The following ECEL1 variants were observed in gnomAD, a reference collection of about 807,000 sequenced individuals.
ECEL1 encodes the protein endothelin-converting enzyme-like 1.
In ECEL1, 87 loss-of-function variants were observed where a neutral mutation model predicts 101.8. The observed-to-expected ratio is 0.85, with a 90% CI of 0.72 to 1.02. The LOEUF is 1.02. Among genes scored for constraint, ECEL1 ranks in the 50% least tolerant of loss-of-function variants. The probability of loss-of-function intolerance (pLI) is 0.00; values close to 1 mark genes in which losing one functional copy is unlikely to be tolerated. For missense variants in ECEL1, 1,032 were observed against 1,079.2 expected, an observed-to-expected ratio of 0.96 and a Z score of 0.61; for synonymous variants, 487 against 468.7, an observed-to-expected ratio of 1.04 and a Z score of -0.50.
At position 232,484,862 on chromosome 2, in the gene ECEL1, C is replaced by T. The variant is rs745581890; in HGVS notation, c.998G>A (p.Arg333Gln). The T allele has an allele frequency of 6.2e-6, 10 of 1,613,750 alleles. 1 individual carries two copies. Among genetic ancestry groups the T allele is most frequent in the East Asian group, 2.2e-5 (1 of 44,892 alleles). Reference protein sequence around the residue: ...ITVSEHDDLRRDVSSMYNKVT... With the variant: ...ITVSEHDDLRQDVSSMYNKVT... The stretch of plus-strand genomic sequence containing the variant: ...CTTGTTGTACATGGAGCTGACATCT[C>T]GCCGTAGGTCGTCATGCTCTGACAC... The change falls in exon 5 of 18, where the codon CGA becomes CAA. Residue 333 changes from arginine (R) to glutamine (Q), a missense_variant. Arg to Gln is a conservative substitution (Grantham distance 43, BLOSUM62 1). Transcript: ENST00000304546.
At chr2:232,483,583 G>A (rs1176877900) in intron 7 of ECEL1, 69 bp from the exon 8 acceptor site, 5 of 1,339,184 alleles carry the variant, frequency 3.7e-6, no homozygotes, top group Non-Finnish European at 5.1e-6. Flanking sequence ...GGCAGGAGGG[G>A]TACCCCTGCC....
rs750503642 is a variant in ECEL1, at chr2:232,484,818, G to A, written c.1042C>T (p.Gln348Ter). The A allele has an allele frequency of 6.2e-7, 1 of 1,613,972 alleles. No individual in the cohort carries two copies. The highest frequency in any genetic ancestry group is 8.5e-7 in the Non-Finnish European group (1 of 1,180,022). The change falls in exon 5 of 18, where the codon CAG becomes TAG. Residue 348 changes from glutamine (Q) to a stop codon, truncating the protein, a stop_gained. Coordinates refer to ENST00000304546, the MANE Select transcript of ECEL1 (RefSeq NM_004826.4). LOFTEE classifies it high-confidence loss of function. ...ACACTCACGTGGGGGGTGATCTTCT[G>A]CAGCTGCCCCAGCGTCACCTTGTTG... ...MYNKVTLGQL[Q>*]KITPHLRWKW...
chr2:232,486,642 C>A lies in ECEL1; in HGVS notation c.12G>T (p.Pro4=). ...CATCGTAGTGCGCCGTCAGCGAATACGGGGGCTCCATGGCGCCGAGGCCGC... is the reference window on the plus strand; with the variant it reads ...CATCGTAGTGCGCCGTCAGCGAATAAGGGGGCTCCATGGCGCCGAGGCCGC... MEP[P]YSLTAHYDEF... is the part of the protein sequence containing the mutation. Residue 4 remains proline (P), a synonymous_variant, in exon 2 of 18, where the codon CCG becomes CCT. Transcript: ENST00000304546. The A allele has an allele frequency of 6.5e-7, 1 of 1,528,560 alleles. No homozygotes were observed. 94.7% of individuals were successfully genotyped at this position (1,528,560 alleles called of 1,614,324 possible).
chr2:232,481,900 C>A, intron 12 of ECEL1, 51 bp from the exon 13 acceptor site: 2 of 1,608,772 alleles, frequency 1.2e-6, no homozygotes, highest in South Asian at 2.2e-5. Context: ...CTCTGAGAGC[C>A]CCATGCTGCT....
rs755908082 is a variant in ECEL1, at chr2:232,482,905, C to T, written c.1631G>A (p.Arg544His). The change falls in exon 10 of 18, where the codon CGC becomes CAC. Residue 544 changes from arginine to histidine, a missense_variant. Coordinates refer to ENST00000304546, the MANE Select transcript of ECEL1 (RefSeq NM_004826.4). ...TYFKNILNSI[R>H]FSIQLSVKKI... is the part of the protein sequence containing the mutation. Reference sequence around the variant, plus strand: ...CTTAACTGAGAGCTGGATGCTGAAGCGGATGCTGTTCAAGATGTTCTTGAA... The same window carrying T: ...CTTAACTGAGAGCTGGATGCTGAAGTGGATGCTGTTCAAGATGTTCTTGAA... 30 of 1,614,176 alleles carry T rather than the reference C, an allele frequency of 1.9e-5. No individual in the cohort carries two copies. Among genetic ancestry groups the T allele is most frequent in the East Asian group, 6.7e-5 (3 of 44,882 alleles).
chr2:232,483,804 T>C (rs966602832), intron 7 of ECEL1, among the ~76,000 whole-genome samples, 197 bp downstream of exon 7: 1 of 152,190 alleles, frequency 6.6e-6, no homozygotes, highest in Non-Finnish European at 1.5e-5. Flanking sequence ...CTGCAGTTGA[T>C]AGTCCACATA....
At chr2:232,487,385 G>A (rs1026362521) in intron 1 of ECEL1, among the ~76,000 whole-genome samples, 1 of 152,072 alleles carries the variant, frequency 6.6e-6, no homozygotes, top group Non-Finnish European at 1.5e-5. Context: ...GGCCCTGATG[G>A]AGAACCCGAG....
At chr2:232,481,459 G>T in intron 14 of ECEL1, 47 bp downstream of exon 14, 1 of 1,571,822 alleles carries the variant, frequency 6.4e-7, no homozygotes, top group Non-Finnish European at 8.6e-7. Flanking sequence ...CTCCCGGCCC[G>T]TGCCCCACCA....
Position 232,483,187 on chromosome 2 carries a change from C to T in ECEL1, c.1507-8G>A. 6.3e-7 allele frequency: 1 copy of T among 1,597,778 alleles called. No individual in the cohort carries two copies. The highest frequency in any genetic ancestry group is 1.8e-5 in the Admixed American group (1 of 56,330). Reference sequence around the variant, plus strand: ...CACCATCATGTACTGGAGCTGCGGGCCGAGGGCAGGTGAAGGTGGCACCAG... The same window carrying T: ...CACCATCATGTACTGGAGCTGCGGGTCGAGGGCAGGTGAAGGTGGCACCAG... On this transcript the variant is annotated splice_region_variant and splice_polypyrimidine_tract_variant and intron_variant, in intron 8 of 17. Coordinates refer to ENST00000304546, the MANE Select transcript of ECEL1 (RefSeq NM_004826.4).
In ECEL1 at chr2:232,483,122, C is replaced by T. The variant is rs764253018; in HGVS notation, c.1564G>A (p.Val522Met). Residue 522 changes from valine to methionine, a missense_variant, in exon 9 of 18, where the codon GTG (valine) becomes ATG (methionine). Coordinates refer to ENST00000304546, the MANE Select transcript of ECEL1 (RefSeq NM_004826.4). ...YPDFLLKPDA[V>M]DKEYEFEVHE... ...GGGCCCACCTCATACTCCTTGTCCACAGCATCGGGTTTCAGCAGGAAGTCC... is the reference window on the plus strand; with the variant it reads ...GGGCCCACCTCATACTCCTTGTCCATAGCATCGGGTTTCAGCAGGAAGTCC... The T allele has an allele frequency of 4.3e-6, 7 of 1,609,458 alleles. No individual in the cohort carries two copies. Among genetic ancestry groups the T allele is most frequent in the Admixed American group, 1.7e-5 (1 of 58,776 alleles).
intron 6 of ECEL1, 112 bp downstream of exon 6, chr2:232,484,360 C>T: frequency 8.3e-6 from 13 of 1,567,084 alleles, no homozygotes; most frequent in Non-Finnish European, 1.1e-5. Flanking sequence ...GACAGGGGGT[C>T]ATCCCAGCTA....
chr2:232,482,906 G>A lies in ECEL1; in HGVS notation c.1630C>T (p.Arg544Cys), dbSNP rs753016147. The change falls in exon 10 of 18, where the codon CGC becomes TGC. Residue 544 changes from arginine to cysteine, a missense_variant. Arg to Cys is a radical substitution (Grantham distance 180). Transcript: ENST00000304546. Reference sequence around the variant, plus strand: ...TTAACTGAGAGCTGGATGCTGAAGCGGATGCTGTTCAAGATGTTCTTGAAG... The same window carrying A: ...TTAACTGAGAGCTGGATGCTGAAGCAGATGCTGTTCAAGATGTTCTTGAAG... ...TYFKNILNSIRFSIQLSVKKI... is the reference protein window; with the variant it reads ...TYFKNILNSICFSIQLSVKKI... 19 of 1,614,050 alleles carry A rather than the reference G, an allele frequency of 1.2e-5. No individual in the cohort carries two copies. The highest frequency in any genetic ancestry group is 2.2e-5 in the East Asian group (1 of 44,892).
Position 232,484,903 on chromosome 2 carries a change from G to A in ECEL1, c.967-10C>T, listed in dbSNP as rs1481418776. The A allele has an allele frequency of 8.7e-6, 14 of 1,613,058 alleles. No homozygotes were observed. The highest frequency in any genetic ancestry group is 1.1e-5 in the South Asian group (1 of 91,078). ...GCTCTGACACAGTGATCTGTGGGGA[G>A]AGATCACAGCTGACCCAGCCCTGCT... On this transcript the variant is annotated splice_polypyrimidine_tract_variant and intron_variant, in intron 4 of 17. Transcript: ENST00000304546.
Position 232,486,377 on chromosome 2 carries a change from C to T in ECEL1, c.277G>A (p.Gly93Ser). ...KYLGPVAAGGGACPEGCPERK... is the reference protein window; with the variant it reads ...KYLGPVAAGGSACPEGCPERK... Reference sequence around the variant, plus strand: ...TCAGGGCAGCCCTCGGGACAGGCGCCGCCGCCGGCCGCGACCGGGCCCAGG... The same window carrying T: ...TCAGGGCAGCCCTCGGGACAGGCGCTGCCGCCGGCCGCGACCGGGCCCAGG... Residue 93 changes from glycine to serine, a missense_variant, in exon 2 of 18, where the codon GGC becomes AGC. Gly to Ser is a moderately conservative substitution (Grantham distance 56). Coordinates refer to ENST00000304546, the MANE Select transcript of ECEL1 (RefSeq NM_004826.4). The T allele has an allele frequency of 2.7e-6, 4 of 1,484,194 alleles. 1 individual carries two copies. The highest frequency in any genetic ancestry group is 3.5e-6 in the Non-Finnish European group (4 of 1,128,978). The allele number at this position is 1,484,194 out of a possible 1,614,324, so 91.9% of individuals were successfully genotyped here. A position where few individuals can be genotyped will look rare whatever the true frequency, so the allele number is the denominator to read the frequency against.
At chr2:232,482,523 G>C (rs376897552) in intron 11 of ECEL1, 27 bp downstream of exon 11, 3 of 1,613,960 alleles carry the variant, frequency 1.9e-6, no homozygotes, top group Non-Finnish European at 2.5e-6. Context: ...ACCCTGCCCC[G>C]CCCGGCGTAG....
intron 12 of ECEL1, among the ~76,000 whole-genome samples, 178 bp from the exon 13 acceptor site, chr2:232,482,027 C>T (rs1161334018): frequency 2.0e-5 from 3 of 152,222 alleles, no homozygotes; most frequent in African/African-American, 2.4e-5. Context: ...ATGTGAATGC[C>T]AGTGGAACCT....
intron 14 of ECEL1, 25 bp downstream of exon 14, chr2:232,481,481 C>G: frequency 6.3e-7 from 1 of 1,592,262 alleles, no homozygotes. Context: ...GCCTGAGGGG[C>G]ACAAGGGGCA....
rs777586315 is a variant in ECEL1, at chr2:232,481,764, G to A, written c.1864+18C>T. ...CTGCCCCCTCCGGGCCATCCCCTGG[G>A]GCCCCAACAGGCCTCACCCCAGTCG... On this transcript the variant is annotated intron_variant, in intron 13 of 17. Transcript: ENST00000304546. 1.2e-6 allele frequency: 2 copies of A among 1,613,628 alleles called. No individual in the cohort carries two copies. Among genetic ancestry groups the A allele is most frequent in the Non-Finnish European group, 1.7e-6 (2 of 1,179,894 alleles).
At chr2:232,483,028 G>A (rs374586939) in intron 9 of ECEL1, 74 bp from the exon 10 acceptor site, 106 of 1,611,164 alleles carry the variant, frequency 6.6e-5, no homozygotes, top group African/African-American at 1.7e-4. Flanking sequence ...CAACCTGGCC[G>A]TGCAGGCCAC....
Sources: gnomAD v4.1 joint callset for allele counts (sites outside exome capture counted in the v4.1 genomes callset) on GRCh38, gnomAD v4.1.1 for gene constraint, MANE v1.5 for transcripts, NCBI Gene and HGNC (gene_info 2026-07-23, HGNC 2026-07-21) for gene names.